The following RBP2 variants were observed in gnomAD, a reference collection of about 807,000 sequenced individuals.
RBP2 encodes the protein retinol binding protein 2.
RBP2 carries 17 observed loss-of-function variants against 17.0 expected under a neutral mutation model. The observed-to-expected ratio is 1.00, with a 90% CI of 0.68 to 1.50. RBP2 has a LOEUF of 1.50. Ranked by LOEUF, RBP2 falls within the 40% of genes most tolerant of loss-of-function variation. The pLI is 0.00. For missense variants in RBP2, 158 were observed against 168.2 expected (o/e 0.94, Z 0.33); for synonymous variants, 48 against 57.1 (o/e 0.84, Z 0.72).
chr3:139,462,110 A>G lies in RBP2; in HGVS notation c.252+2T>C, dbSNP rs879205500. 2.5e-6 allele frequency: 4 copies of G among 1,613,944 alleles called. No individual in the cohort carries two copies. The highest frequency in any genetic ancestry group is 3.4e-6 in the Non-Finnish European group (4 of 1,179,956). ...ATGAAAAACACCAGCCCCGGTCAGTACCTTAACATGCCGGTTATCCAGGCT... is the reference window on the plus strand; with the variant it reads ...ATGAAAAACACCAGCCCCGGTCAGTGCCTTAACATGCCGGTTATCCAGGCT... On this transcript the variant is annotated splice_donor_variant, in intron 2 of 3. Transcript: ENST00000232217. LOFTEE classifies it high-confidence loss of function.
Position 139,454,687 on chromosome 3 carries a change from G to A in RBP2, c.354+42C>T, listed in dbSNP as rs372886231. 4.9e-5 allele frequency: 78 copies of A among 1,588,598 alleles called. 1 individual carries two copies. In the South Asian group the frequency reaches 8.4e-4, roughly 17 times the overall value. On this transcript the variant is annotated intron_variant, in intron 3 of 3. Transcript: ENST00000232217. ...TGGCTAGGTGACCACAGTAGCGTGT[G>A]TAAGCACAATGGAAGTGAGCTGAGC...
At chr3:139,475,324 T>TAAAAAAAAAAAAAA (rs397941333) in intron 1 of RBP2, among the ~76,000 whole-genome samples, 2 of 71,588 alleles carry the variant, frequency 2.8e-5, no homozygotes, top group Admixed American at 2.0e-4. Context: ...GTCCCCAAAA[T>TAAAAAAAAAAAAAA]AAAAAAAAAA....
At chr3:139,465,323 C>A (rs1305852635) in intron 1 of RBP2, among the ~76,000 whole-genome samples, 1 of 152,132 alleles carries the variant, frequency 6.6e-6, no homozygotes, top group Non-Finnish European at 1.5e-5. Context: ...GATGGTGTCC[C>A]TTTGTGTCTA....
In RBP2 at chr3:139,453,076, C is replaced by T. The variant is rs1224222879; in HGVS notation, c.*40G>A. On this transcript the variant is annotated 3_prime_UTR_variant, in exon 4 of 4. Transcript: ENST00000232217. Reference sequence around the variant, plus strand: ...AAGCCAGTAGACCACTCAGTGTGGGCAGTGGGGAGCTTGTGCTTGGCAGGC... The same window carrying T: ...AAGCCAGTAGACCACTCAGTGTGGGTAGTGGGGAGCTTGTGCTTGGCAGGC... 1 of 1,612,058 alleles carries T rather than the reference C, an allele frequency of 6.2e-7. No individual in the cohort carries two copies. Among genetic ancestry groups the T allele is most frequent in the East Asian group, 2.2e-5 (1 of 44,856 alleles).
chr3:139,460,273 G>A (rs938693596), intron 2 of RBP2, among the ~76,000 whole-genome samples: 1 of 152,144 alleles, frequency 6.6e-6, no homozygotes, highest in African/African-American at 2.4e-5. Context: ...TTCAGAAAAG[G>A]CTTGTTGATC....
intron 1 of RBP2, among the ~76,000 whole-genome samples, chr3:139,464,442 G>C (rs1186356930): frequency 6.7e-6 from 1 of 149,632 alleles, no homozygotes; most frequent in Non-Finnish European, 1.5e-5. Context: ...AATAGAGCGA[G>C]ACTCCATCTC....
At chr3:139,459,858 A>G (rs1933127926) in intron 2 of RBP2, among the ~76,000 whole-genome samples, 1 of 148,264 alleles carries the variant, frequency 6.7e-6, no homozygotes, top group Admixed American at 6.7e-5. Context: ...GTGTGTGTGC[A>G]TTCACTCTGG....
intron 3 of RBP2, among the ~76,000 whole-genome samples, chr3:139,453,829 G>A (rs1025852323): frequency 2.0e-5 from 3 of 152,216 alleles, no homozygotes; most frequent in Non-Finnish European, 2.9e-5. Context: ...ACTGGGGATT[G>A]TATTACAATT....
chr3:139,471,546 C>T (rs1933570600), intron 1 of RBP2, among the ~76,000 whole-genome samples: 1 of 152,154 alleles, frequency 6.6e-6, no homozygotes, highest in South Asian at 2.1e-4. Flanking sequence ...TAATCCTCAC[C>T]TTCATTTGTG....
intron 1 of RBP2, among the ~76,000 whole-genome samples, chr3:139,463,985 A>C (rs1194983286): frequency 6.6e-6 from 1 of 152,188 alleles, no homozygotes; most frequent in Non-Finnish European, 1.5e-5. Context: ...ATGAAATTTC[A>C]TGTTGTGCAG....
intron 2 of RBP2, among the ~76,000 whole-genome samples, chr3:139,461,349 C>T (rs1933181251): frequency 6.6e-6 from 1 of 152,160 alleles, no homozygotes; most frequent in Non-Finnish European, 1.5e-5. Context: ...GAGTTGTTTT[C>T]TGCCTGCTTT....
chr3:139,466,106 A>T (rs1933353523), intron 1 of RBP2, among the ~76,000 whole-genome samples: 1 of 152,204 alleles, frequency 6.6e-6, no homozygotes, highest in Non-Finnish European at 1.5e-5. Flanking sequence ...TAAAACCAAG[A>T]CAAGCTGGTT....
intron 1 of RBP2, among the ~76,000 whole-genome samples, chr3:139,472,945 T>C (rs1933613094): frequency 6.6e-6 from 1 of 152,196 alleles, no homozygotes; most frequent in African/African-American, 2.4e-5. Context: ...AGTTGAATGA[T>C]TCCCACCTGG....
intron 3 of RBP2, 22 bp downstream of exon 3, chr3:139,454,707 C>A (rs1262563750): frequency 6.2e-7 from 1 of 1,610,164 alleles, no homozygotes; most frequent in Non-Finnish European, 8.5e-7. Context: ...TGGAAGTGAG[C>A]TGAGCAGAAC....
intron 2 of RBP2, among the ~76,000 whole-genome samples, chr3:139,456,169 T>C (rs1932952998): frequency 6.6e-6 from 1 of 152,174 alleles, no homozygotes; most frequent in Non-Finnish European, 1.5e-5. Flanking sequence ...CAAACTACAT[T>C]ATGCCTCTCT....
intron 2 of RBP2, among the ~76,000 whole-genome samples, chr3:139,460,921 A>G (rs886817339): frequency 6.6e-6 from 1 of 152,208 alleles, no homozygotes; most frequent in Non-Finnish European, 1.5e-5. Flanking sequence ...ATGCATGGGC[A>G]TAGACAGTGA....
chr3:139,468,466 A>G (rs1364529687), intron 1 of RBP2, among the ~76,000 whole-genome samples: 2 of 152,144 alleles, frequency 1.3e-5, no homozygotes, highest in African/African-American at 2.4e-5. Context: ...AGACTATGCA[A>G]ATGGAATCAA....
At chr3:139,459,988 A>G (rs1933132710) in intron 2 of RBP2, among the ~76,000 whole-genome samples, 1 of 152,158 alleles carries the variant, frequency 6.6e-6, no homozygotes, top group African/African-American at 2.4e-5. Flanking sequence ...GAAGAAAGGT[A>G]GGAGTGTGTT....
At chr3:139,471,361 C>T (rs918886167) in intron 1 of RBP2, among the ~76,000 whole-genome samples, 22 of 152,322 alleles carry the variant, frequency 1.4e-4, no homozygotes, top group African/African-American at 4.6e-4. Flanking sequence ...GACACATATT[C>T]GGGGAATATT....
Sources: gnomAD v4.1 joint callset for allele counts (sites outside exome capture counted in the v4.1 genomes callset) on GRCh38, gnomAD v4.1.1 for gene constraint, MANE v1.5 for transcripts, NCBI Gene and HGNC (gene_info 2026-07-23, HGNC 2026-07-21) for gene names.